Variants in ADGRV1 observed in about 807,000 individuals in gnomAD.
ADGRV1 encodes the protein adhesion G protein-coupled receptor V1, also known as G-protein coupled receptor 98.
ADGRV1 carries 359 observed loss-of-function variants against 596.2 expected under a neutral mutation model. That is an observed-to-expected ratio of 0.60 (90% CI 0.55 to 0.66). The LOEUF (loss-of-function observed/expected upper bound fraction) is 0.66, where lower values mean the gene tolerates loss of function less well. ADGRV1 is among the 30% of genes least tolerant of loss of function. The probability of loss-of-function intolerance (pLI) is 0.00; values close to 1 mark genes in which losing one functional copy is unlikely to be tolerated. For missense variants in ADGRV1, 7,274 were observed against 7,575.6 expected, an observed-to-expected ratio of 0.96 and a Z score of 1.48; for synonymous variants, 2,681 against 2,679.2, an observed-to-expected ratio of 1.00 and a Z score of -0.02.
At chr5:90,995,530 G>A (rs1017340215) in intron 85 of ADGRV1, among the ~76,000 whole-genome samples, 2 of 152,212 alleles carry the variant, frequency 1.3e-5, no homozygotes, top group Admixed American at 1.3e-4. Flanking sequence ...GCCACAGGTA[G>A]TTTTTTATAG....
intron 64 of ADGRV1, among the ~76,000 whole-genome samples, chr5:90,780,858 G>A (rs937360689): frequency 2.0e-5 from 3 of 152,076 alleles, no homozygotes; most frequent in Admixed American, 1.3e-4. Context: ...GTGCCATCAT[G>A]TCTGGCTAAT....
intron 85 of ADGRV1, among the ~76,000 whole-genome samples, chr5:91,071,574 A>C (rs1291155405): frequency 6.6e-6 from 1 of 152,250 alleles, no homozygotes. Context: ...TGGGTTAAAC[A>C]AAATTTACTA....
At chr5:90,972,138 A>G (rs1261068655) in intron 84 of ADGRV1, among the ~76,000 whole-genome samples, 1 of 152,238 alleles carries the variant, frequency 6.6e-6, no homozygotes, top group Non-Finnish European at 1.5e-5. Context: ...GATCAATTCA[A>G]CAAGAAGAGC....
chr5:90,686,362 C>T (rs57255621), intron 29 of ADGRV1, among the ~76,000 whole-genome samples: 5,203 of 152,134 alleles, frequency 0.034, 179 homozygotes, highest in African/African-American at 0.09. Flanking sequence ...TATCCCTCCC[C>T]GCTCCCCACA....
intron 85 of ADGRV1, among the ~76,000 whole-genome samples, chr5:91,012,571 C>T (rs10071548): frequency 0.053 from 8,122 of 151,924 alleles, 295 homozygotes; most frequent in Non-Finnish European, 0.085. Context: ...GCTCTCCTCC[C>T]ATTACTTTCT....
rs1561520516 is a variant in ADGRV1 at position 90,683,925 on chromosome 5, A to G, written c.6004A>G (p.Ile2002Val). The G allele has an allele frequency of 5.0e-6, 8 of 1,613,808 alleles. No individual in the cohort carries two copies. In the East Asian group the frequency reaches 1.6e-4, roughly 31 times the overall value. ...AACCCAGAACATCACACTATCAATAATAAGGTTGAAAGGCCTCATGGGAAA... is the reference window on the plus strand; with the variant it reads ...AACCCAGAACATCACACTATCAATAGTAAGGTTGAAAGGCCTCATGGGAAA... Reference protein sequence around the residue: ...EATQNITLSIIRLKGLMGKVL... With the variant: ...EATQNITLSIVRLKGLMGKVL... Residue 2002 changes from isoleucine (I) to valine (V), a missense_variant, in exon 28 of 90, where the codon ATA becomes GTA. Coordinates refer to ENST00000405460, the MANE Select transcript of ADGRV1 (RefSeq NM_032119.4).
chr5:90,778,339 A>G, intron 62 of ADGRV1, 88 bp from the exon 63 acceptor site: 1 of 1,158,644 alleles, frequency 8.6e-7, no homozygotes, highest in Non-Finnish European at 1.2e-6. Flanking sequence ...GATTAATATT[A>G]CAAAATCTGT....
intron 58 of ADGRV1, 132 bp downstream of exon 58, chr5:90,759,720 CT>C: frequency 1.3e-6 from 1 of 749,382 alleles, no homozygotes; most frequent in Non-Finnish European, 2.3e-6. Context: ...AATCCCAGCA[CT>C]TTGGGAGGCC....
At chr5:90,972,467 G>C (rs1291235939) in intron 84 of ADGRV1, among the ~76,000 whole-genome samples, 2 of 152,122 alleles carry the variant, frequency 1.3e-5, no homozygotes, top group Non-Finnish European at 2.9e-5. Flanking sequence ...GCACTCCTCA[G>C]CAAATGTAAA....
In ADGRV1 at chr5:90,628,592, A is replaced by G; in HGVS notation, c.1269A>G (p.Gly423=). ...RYEEITVVRN[G]GTHGNVSANW... ...AAGAAATCACAGTGGTTAGAAATGG[A>G]GGAACCCATGGGAATGTCTCTGCGA... The change falls in exon 8 of 90, where the codon GGA becomes GGG. Residue 423 remains glycine (G), a synonymous_variant. Transcript: ENST00000405460. The G allele has an allele frequency of 6.2e-7, 1 of 1,613,760 alleles. No homozygotes were observed. The highest frequency in any genetic ancestry group is 8.5e-7 in the Non-Finnish European group (1 of 1,179,638).
rs956781902 is a variant in ADGRV1, at chr5:90,692,717, C to A, written c.7064C>A (p.Ala2355Asp). 4 of 1,609,892 alleles carry A rather than the reference C, an allele frequency of 2.5e-6. No homozygotes were observed. The highest frequency in any genetic ancestry group is 3.4e-6 in the Non-Finnish European group (4 of 1,178,100). Residue 2355 changes from alanine to aspartate, a missense_variant, in exon 32 of 90, where the codon GCT (alanine) becomes GAT (aspartate). Physicochemically the swap from Ala to Asp is moderately radical, Grantham distance 126 (BLOSUM62 -2). Coordinates refer to ENST00000405460, the MANE Select transcript of ADGRV1 (RefSeq NM_032119.4). ...GATCCTTATGGTACAGTAGCCTTTG[C>A]TCAGATGGTTTATCGTGTTCAAGAG... Reference protein sequence around the residue: ...NDDPYGTVAFAQMVYRVQEPL... With the variant: ...NDDPYGTVAFDQMVYRVQEPL...
At position 90,625,117 on chromosome 5, in the gene ADGRV1, T is replaced by A; in HGVS notation, c.559-13T>A. Reference sequence around the variant, plus strand: ...TTTTGCATTTATTGATGGCATTTTGTGTTTCTTTGCAGGTAGAGGGTGGCC... The same window carrying A: ...TTTTGCATTTATTGATGGCATTTTGAGTTTCTTTGCAGGTAGAGGGTGGCC... On this transcript the variant is annotated splice_polypyrimidine_tract_variant and intron_variant, in intron 5 of 89. Transcript: ENST00000405460. The A allele has an allele frequency of 6.6e-7, 1 of 1,512,966 alleles. No homozygotes were observed. The highest frequency in any genetic ancestry group is 9.2e-7 in the Non-Finnish European group (1 of 1,091,798). 93.7% of individuals were successfully genotyped at this position (1,512,966 alleles called of 1,614,324 possible).
At chr5:91,032,300 G>C (rs760894299) in intron 85 of ADGRV1, among the ~76,000 whole-genome samples, 16 of 152,192 alleles carry the variant, frequency 1.1e-4, no homozygotes, top group Non-Finnish European at 2.2e-4. Context: ...GTTTAAGAAG[G>C]CTGTGGGAGG....
Position 90,642,970 on chromosome 5 carries a change from G to T in ADGRV1, c.2482G>T (p.Val828Leu). The part of the protein sequence containing the change: ...DSNEFYGNTG[V>L]LEFKPGEREI... ...CAATGAATTCTATGGAAACACGGGA[G>T]TACTAGAATTTAAACCTGGAGAAAG... is the stretch of plus-strand genomic sequence containing the variant. Residue 828 changes from valine to leucine, a missense_variant, in exon 13 of 90, where the codon GTA (valine) becomes TTA (leucine). By Grantham distance (32) the Val-to-Leu change is conservative. Around this residue, in one of 5 missense-constraint regions of ADGRV1, gnomAD observed 1,715 missense variants for 1,708.8 expected, o/e 1.00. Coordinates refer to ENST00000405460, the MANE Select transcript of ADGRV1 (RefSeq NM_032119.4). The T allele has an allele frequency of 1.2e-6, 2 of 1,613,554 alleles. No individual in the cohort carries two copies. The highest frequency in any genetic ancestry group is 1.7e-6 in the Non-Finnish European group (2 of 1,179,550).
At position 90,653,305 on chromosome 5, in the gene ADGRV1, T is replaced by G. The variant is rs1457543918; in HGVS notation, c.3731T>G (p.Leu1244Trp). The stretch of plus-strand genomic sequence containing the variant: ...GATGATCCCTTTGGAGTTTTTATCT[T>G]GGATCCAGAGTGTTTAGAGAGAGAA... ...FNDDPFGVFI[L>W]DPECLEREVA... The change falls in exon 20 of 90, where the codon TTG (leucine) becomes TGG (tryptophan). Residue 1244 changes from leucine (L) to tryptophan (W), a missense_variant. Around this residue, in one of 5 missense-constraint regions of ADGRV1, gnomAD observed 1,715 missense variants for 1,708.8 expected, o/e 1.00. Transcript: ENST00000405460. The G allele has an allele frequency of 6.2e-7, 1 of 1,613,966 alleles. No homozygotes were observed. The highest frequency in any genetic ancestry group is 1.7e-5 in the Admixed American group (1 of 60,014).
At chr5:90,577,601 C>T (rs1438962529) in intron 1 of ADGRV1, among the ~76,000 whole-genome samples, 1 of 152,146 alleles carries the variant, frequency 6.6e-6, no homozygotes, top group Non-Finnish European at 1.5e-5. Context: ...ACAATGTGGG[C>T]TCTTTTTTGG....
At chr5:90,730,948 A>G (rs1752469874) in intron 50 of ADGRV1, among the ~76,000 whole-genome samples, 1 of 152,188 alleles carries the variant, frequency 6.6e-6, no homozygotes, top group African/African-American at 2.4e-5. Flanking sequence ...TATTAATTTG[A>G]TATTATATGT....
At chr5:90,856,929 A>G (rs1302015973) in intron 82 of ADGRV1, among the ~76,000 whole-genome samples, 5 of 152,292 alleles carry the variant, frequency 3.3e-5, no homozygotes, top group Middle Eastern at 3.4e-3. Context: ...TGTATTTGGT[A>G]TGCAAACAGT....
chr5:90,639,125 A>C (rs1766643136), intron 11 of ADGRV1, among the ~76,000 whole-genome samples: 1 of 151,242 alleles, frequency 6.6e-6, no homozygotes, highest in South Asian at 2.1e-4. Context: ...CACAGAGTCT[A>C]GATGACTTAT....
Sources: allele counts gnomAD v4.1 joint callset (sites outside exome capture counted in the v4.1 genomes callset), GRCh38; gene constraint gnomAD v4.1.1; regional missense constraint gnomAD v4.1.1; transcripts MANE v1.5; gene names NCBI Gene and HGNC (gene_info 2026-07-23, HGNC 2026-07-21).